CDK5RAP1: variants seen among roughly 807,000 people sequenced by gnomAD.
The protein encoded by CDK5RAP1 is CDK5RAP1 mitochondrial tRNA methylthiotransferase.
A neutral mutation model predicts 64.5 loss-of-function variants in CDK5RAP1; 62 were observed. That is an observed-to-expected ratio of 0.96 (90% CI 0.78 to 1.19). The LOEUF (loss-of-function observed/expected upper bound fraction) is 1.19. Among genes scored for constraint, CDK5RAP1 ranks in the 50% most tolerant of loss-of-function variants. CDK5RAP1 has a pLI of 0.00. For missense variants in CDK5RAP1, 657 were observed against 735.0 expected (o/e 0.89, Z 1.23); for synonymous variants, 250 against 261.9 (o/e 0.95, Z 0.44).
At position 33,358,885 on chromosome 20, in the gene CDK5RAP1, T is replaced by A. The variant is rs551721086; in HGVS notation, c.*158A>T. 11 of 608,872 alleles carry A rather than the reference T, an allele frequency of 1.8e-5. No homozygotes were observed. The South Asian group carries it at 2.2e-4, about 12-fold the overall frequency. The allele number at this position is 608,872 out of a possible 1,614,324, so 37.7% of individuals were successfully genotyped here. On this transcript the variant is annotated 3_prime_UTR_variant, in exon 14 of 14. Coordinates refer to ENST00000346416, the MANE Select transcript of CDK5RAP1 (RefSeq NM_016408.4). The stretch of plus-strand genomic sequence containing the variant: ...TTAATGACTGTAAAAGCTGTTCACA[T>A]AGCAGCTTTAAAGAGACACGTTTTC...
At position 33,363,676 on chromosome 20, in the gene CDK5RAP1, T is replaced by C. The variant is rs559498982; in HGVS notation, c.1542+3183A>G. 8.5e-5 allele frequency among the ~76,000 whole-genome samples: 13 copies of C among 152,134 alleles called. No individual in the cohort carries two copies. In the South Asian group the frequency reaches 1.7e-3, roughly 19 times the overall value. On this transcript the variant is annotated intron_variant, in intron 12 of 13. Transcript: ENST00000346416. ...ACTTTGGGAGGCTGAGGTAGGAGGA[T>C]TGCATGAGGCAAGGAGTCTGAGACC...
rs572828202 is a variant in CDK5RAP1 at position 33,360,375 on chromosome 20, C to T, written c.1659G>A (p.Gln553=). 3.2e-5 allele frequency: 51 copies of T among 1,614,170 alleles called. No individual in the cohort carries two copies. In the South Asian group the frequency reaches 5.4e-4, roughly 17 times the overall value. ...CCTTCACCAGCACATAGTCCCCAGG[C>T]TGGGCTCTGACCCTGAGCCCAGGGT... ...VNNPGLRVRA[Q]PGDYVLVKIT... Residue 553 remains glutamine (Q), a synonymous_variant, in exon 13 of 14, where the codon CAG becomes CAA. Transcript: ENST00000346416.
intron 10 of CDK5RAP1, among the ~76,000 whole-genome samples, chr20:33,372,031 A>T (rs1985105051): frequency 6.6e-6 from 1 of 152,178 alleles, no homozygotes; most frequent in Admixed American, 6.5e-5. Context: ...TCCTCATTTC[A>T]TCAAGACTTC....
chr20:33,394,999 G>A lies in CDK5RAP1; in HGVS notation c.408+14C>T, dbSNP rs1568730996. On this transcript the variant is annotated intron_variant, in intron 3 of 13. Coordinates refer to ENST00000346416, the MANE Select transcript of CDK5RAP1 (RefSeq NM_016408.4). ...CCAGGTCCAGGAAACAAAGGAAATA[G>A]GAAATGCATGTACCTCTTGGAGGTT... 4 of 1,466,982 alleles carry A rather than the reference G, an allele frequency of 2.7e-6. No individual in the cohort carries two copies. The highest frequency in any genetic ancestry group is 3.3e-5 in the Admixed American group (2 of 59,830). 90.9% of individuals were successfully genotyped at this position (1,466,982 alleles called of 1,614,324 possible).
chr20:33,371,916 G>A (rs900439548), intron 10 of CDK5RAP1, among the ~76,000 whole-genome samples: 5 of 152,120 alleles, frequency 3.3e-5, no homozygotes, highest in South Asian at 4.1e-4. Flanking sequence ...AAGATAATAC[G>A]AAAGGAATTA....
chr20:33,379,355 G>C lies in CDK5RAP1; in HGVS notation c.1107+106C>G, dbSNP rs1986448826. The stretch of plus-strand genomic sequence containing the variant: ...AGGGTGATGCAGCAATACCCCACAG[G>C]ATCCCTAAGCAGGACTCCAGGTCTC... On this transcript the variant is annotated intron_variant, in intron 8 of 13. Coordinates refer to ENST00000346416, the MANE Select transcript of CDK5RAP1 (RefSeq NM_016408.4). 5 of 736,952 alleles carry C rather than the reference G, an allele frequency of 6.8e-6. No homozygotes were observed. The South Asian group carries it at 6.9e-5, about 10-fold the overall frequency. The allele number at this position is 736,952 out of a possible 1,614,324, so 45.7% of individuals were successfully genotyped here. A position where few individuals can be genotyped will look rare whatever the true frequency, so the allele number is the denominator to read the frequency against.
intron 12 of CDK5RAP1, among the ~76,000 whole-genome samples, chr20:33,366,654 T>C (rs1984019084): frequency 6.6e-6 from 1 of 151,946 alleles, no homozygotes; most frequent in African/African-American, 2.4e-5. Flanking sequence ...TAACAAAACA[T>C]GGACAAAATC....
At position 33,399,926 on chromosome 20, in the gene CDK5RAP1, C is replaced by A. The variant is rs762791783; in HGVS notation, c.-21+1502G>T. ...AGCCATTGTGGTATGTGCCTGTAAT[C>A]CCAGCAACTTGGGAAGCTGAGGTAG... is the stretch of plus-strand genomic sequence containing the variant. On this transcript the variant is annotated intron_variant, in intron 1 of 13. Transcript: ENST00000346416. Among the ~76,000 whole-genome samples, 3 of 152,030 alleles carry A rather than the reference C, an allele frequency of 2.0e-5. No homozygotes were observed. In the South Asian group the frequency reaches 6.2e-4, roughly 32 times the overall value.
At chr20:33,396,313 C>A (rs1311471614) in intron 2 of CDK5RAP1, among the ~76,000 whole-genome samples, 1 of 152,156 alleles carries the variant, frequency 6.6e-6, no homozygotes, top group Non-Finnish European at 1.5e-5. Context: ...CCAAGATCAA[C>A]CCCCGTCCCC....
chr20:33,391,000 C>G (rs904175453), intron 5 of CDK5RAP1, among the ~76,000 whole-genome samples: 3 of 151,970 alleles, frequency 2.0e-5, no homozygotes, highest in African/African-American at 7.3e-5. Context: ...ACCTATAATC[C>G]CAGCAATCTG....
chr20:33,397,219 T>C, intron 1 of CDK5RAP1, 135 bp from the exon 2 acceptor site: 1 of 591,198 alleles, frequency 1.7e-6, no homozygotes, highest in Non-Finnish European at 2.7e-6. Context: ...TAATATGACC[T>C]CTGTTTTACA....
At chr20:33,388,410 C>A (rs1987735365) in intron 5 of CDK5RAP1, among the ~76,000 whole-genome samples, 1 of 152,194 alleles carries the variant, frequency 6.6e-6, no homozygotes, top group African/African-American at 2.4e-5. Context: ...CACTATTATC[C>A]ACAATAGCCA....
chr20:33,392,265 G>T, intron 4 of CDK5RAP1, 23 bp from the exon 5 acceptor site: 2 of 1,477,796 alleles, frequency 1.4e-6, no homozygotes, highest in Non-Finnish European at 9.4e-7. Context: ...AAGGAGGCAA[G>T]ACTGAACCAA....
chr20:33,361,672 T>C (rs34276151), intron 12 of CDK5RAP1, among the ~76,000 whole-genome samples: 1,853 of 125,010 alleles, frequency 0.015, 27 homozygotes, highest in Non-Finnish European at 0.017. Context: ...AAAGTTTTTC[T>C]GGCCAGGCGC....
rs761319830 is a variant in CDK5RAP1, at chr20:33,379,552, C to T, written c.1016G>A (p.Arg339His). ...GACCTGATCCAGAAGATGAGCAAAA[C>T]GAAGTCCTCCTTGCTTGGTTTTATA... is the stretch of plus-strand genomic sequence containing the variant. The part of the protein sequence containing the change: ...TNYKTKQGGL[R>H]FAHLLDQVSR... Residue 339 changes from arginine to histidine, a missense_variant, in exon 8 of 14, where the codon CGT (arginine) becomes CAT (histidine). Coordinates refer to ENST00000346416, the MANE Select transcript of CDK5RAP1 (RefSeq NM_016408.4). The T allele has an allele frequency of 6.2e-6, 10 of 1,613,968 alleles. No individual in the cohort carries two copies. Among genetic ancestry groups the T allele is most frequent in the South Asian group, 1.1e-5 (1 of 91,078 alleles).
intron 12 of CDK5RAP1, among the ~76,000 whole-genome samples, chr20:33,361,712 T>C (rs1982951272): frequency 1.3e-5 from 2 of 151,950 alleles, no homozygotes; most frequent in Admixed American, 1.3e-4. Flanking sequence ...TTCCAGCACT[T>C]TGGGAGGCTG....
chr20:33,377,946 C>G (rs148055492), intron 8 of CDK5RAP1, among the ~76,000 whole-genome samples: 165 of 152,288 alleles, frequency 1.1e-3, no homozygotes, highest in African/African-American at 3.7e-3. Flanking sequence ...GTCACTGCGC[C>G]CAGCCTGTGA....
rs199681427 is a variant in CDK5RAP1, at chr20:33,367,028, G to C, written c.1393-20C>G. 2 of 1,561,158 alleles carry C rather than the reference G, an allele frequency of 1.3e-6. No homozygotes were observed. The highest frequency in any genetic ancestry group is 1.7e-6 in the Non-Finnish European group (2 of 1,148,748). On this transcript the variant is annotated intron_variant, in intron 11 of 13. Coordinates refer to ENST00000346416, the MANE Select transcript of CDK5RAP1 (RefSeq NM_016408.4). ...TGTCTTCTATTAAAAAAAAAAAAAA[G>C]AGAGAAGATGGAGGTCACCAAGGAC...
intron 7 of CDK5RAP1, among the ~76,000 whole-genome samples, chr20:33,381,457 C>A (rs1305333840): frequency 1.3e-5 from 2 of 152,112 alleles, no homozygotes. Context: ...GACAGAGTCT[C>A]ACTCTGTTGC....
Sources: gnomAD v4.1 joint callset for allele counts (sites outside exome capture counted in the v4.1 genomes callset) on GRCh38, gnomAD v4.1.1 for gene constraint, MANE v1.5 for transcripts, NCBI Gene and HGNC (gene_info 2026-07-23, HGNC 2026-07-21) for gene names.